The following MAPK4 variants were observed in gnomAD, a reference collection of about 807,000 sequenced individuals.
MAPK4 encodes Erk3-related.
Under a neutral mutation model 47.7 loss-of-function variants are expected in MAPK4, and 22 were observed. The ratio of observed to expected loss-of-function variants is 0.46; its 90% CI spans 0.33 to 0.66. MAPK4 has a LOEUF of 0.66. MAPK4 is among the 30% of genes least tolerant of loss of function. The probability of loss-of-function intolerance (pLI) is 0.02; values close to 1 mark genes in which losing one functional copy is unlikely to be tolerated. For missense variants in MAPK4, 736 were observed against 831.7 expected (o/e 0.88, Z 1.42); for synonymous variants, 390 against 365.7 (o/e 1.07, Z -0.76).
intron 2 of MAPK4, among the ~76,000 whole-genome samples, chr18:50,693,009 A>G (rs1171847468): frequency 6.6e-6 from 1 of 152,124 alleles, no homozygotes; most frequent in Non-Finnish European, 1.5e-5. Context: ...TAATCCCAGC[A>G]CTTTGGGAGG....
At chr18:50,621,746 T>A (rs1023313834) in intron 1 of MAPK4, among the ~76,000 whole-genome samples, 1 of 152,196 alleles carries the variant, frequency 6.6e-6, no homozygotes, top group African/African-American at 2.4e-5. Context: ...AAACCTCCAT[T>A]GTTGCTAGAG....
intron 2 of MAPK4, among the ~76,000 whole-genome samples, chr18:50,711,316 C>G (rs1039987849): frequency 6.6e-6 from 1 of 152,136 alleles, no homozygotes; most frequent in African/African-American, 2.4e-5. Flanking sequence ...CAATAGCTGA[C>G]GAAAGTCCCA....
chr18:50,693,210 G>A (rs928552174), intron 2 of MAPK4, among the ~76,000 whole-genome samples: 1 of 152,010 alleles, frequency 6.6e-6, no homozygotes, highest in Non-Finnish European at 1.5e-5. Flanking sequence ...AGTGAGCCAC[G>A]ATAGCACCAC....
chr18:50,719,862 G>A (rs1233117049), intron 3 of MAPK4, among the ~76,000 whole-genome samples: 2 of 152,192 alleles, frequency 1.3e-5, no homozygotes, highest in African/African-American at 4.8e-5. Flanking sequence ...TTCTCATGCA[G>A]AAGTGTCCAA....
chr18:50,575,398 A>C (rs181941752), intron 1 of MAPK4, among the ~76,000 whole-genome samples: 52 of 152,378 alleles, frequency 3.4e-4, no homozygotes, highest in African/African-American at 1.1e-3. Flanking sequence ...ACAACACCTC[A>C]GTTCCTAAAT....
Position 50,706,682 on chromosome 18 carries a change from T to A in MAPK4, c.547-8397T>A, listed in dbSNP as rs549658316. The stretch of plus-strand genomic sequence containing the variant: ...AGGGCTTCTCACTTAAAGATTGCTG[T>A]CCATTGTCATGCAGCACCCCAGGAT... On this transcript the variant is annotated intron_variant, in intron 2 of 5. Coordinates refer to ENST00000400384, the MANE Select transcript of MAPK4 (RefSeq NM_002747.4). Among the ~76,000 whole-genome samples the A allele has an allele frequency of 1.6e-4, 25 of 152,284 alleles. No individual in the cohort carries two copies. The South Asian group carries it at 5.2e-3, about 32-fold the overall frequency.
intron 1 of MAPK4, among the ~76,000 whole-genome samples, chr18:50,637,573 C>G (rs35473627): frequency 6.6e-6 from 1 of 152,190 alleles, no homozygotes; most frequent in Non-Finnish European, 1.5e-5. Context: ...CAGGCTACTT[C>G]TATGCACCTG....
At chr18:50,625,970 A>G (rs1038348577) in intron 1 of MAPK4, among the ~76,000 whole-genome samples, 1 of 152,058 alleles carries the variant, frequency 6.6e-6, no homozygotes, top group Non-Finnish European at 1.5e-5. Context: ...TCAAGTGATT[A>G]TGGAGACTGA....
intron 1 of MAPK4, among the ~76,000 whole-genome samples, chr18:50,610,195 A>G (rs1168414048): frequency 2.0e-5 from 3 of 152,340 alleles, no homozygotes; most frequent in South Asian, 4.1e-4. Context: ...ACATAGAGAT[A>G]TAACCACAGG....
chr18:50,562,204 G>A (rs182548248), intron 1 of MAPK4, among the ~76,000 whole-genome samples: 1 of 152,268 alleles, frequency 6.6e-6, no homozygotes, highest in Admixed American at 6.5e-5. Flanking sequence ...ATAGAAATTA[G>A]TGATTTGTAT....
intron 1 of MAPK4, among the ~76,000 whole-genome samples, chr18:50,635,547 A>T (rs1568055298): frequency 6.6e-6 from 1 of 152,220 alleles, no homozygotes; most frequent in Non-Finnish European, 1.5e-5. Flanking sequence ...TCCACACTGT[A>T]GTCAGAATCA....
chr18:50,698,757 C>T (rs2338884), intron 2 of MAPK4, among the ~76,000 whole-genome samples: 65,208 of 152,128 alleles, frequency 0.43, 14,988 homozygotes, highest in Non-Finnish European at 0.52. Flanking sequence ...TAGCCAAGCA[C>T]GGTGGCTCAC....
chr18:50,676,564 A>C (rs1221953375), intron 2 of MAPK4, among the ~76,000 whole-genome samples: 1 of 152,222 alleles, frequency 6.6e-6, no homozygotes, highest in Admixed American at 6.5e-5. Context: ...TAAAGTTAAA[A>C]AGTGACATTC....
At chr18:50,694,384 G>A (rs1482732609) in intron 2 of MAPK4, among the ~76,000 whole-genome samples, 1 of 152,126 alleles carries the variant, frequency 6.6e-6, no homozygotes, top group African/African-American at 2.4e-5. Context: ...AAGTCCCCTG[G>A]CTGGTGTCCT....
At chr18:50,604,569 G>A (rs543552600) in intron 1 of MAPK4, among the ~76,000 whole-genome samples, 9 of 152,308 alleles carry the variant, frequency 5.9e-5, no homozygotes, top group Admixed American at 2.0e-4. Context: ...AGAACAGAGC[G>A]TGTAGAATAA....
chr18:50,667,844 C>T (rs546658292), intron 2 of MAPK4, among the ~76,000 whole-genome samples: 84 of 152,296 alleles, frequency 5.5e-4, no homozygotes, highest in Admixed American at 5.1e-3. Flanking sequence ...CAGTGGACAC[C>T]AGCTGGGTGT....
intron 2 of MAPK4, among the ~76,000 whole-genome samples, chr18:50,684,256 G>A (rs768591238): frequency 3.3e-5 from 5 of 152,186 alleles, no homozygotes; most frequent in Admixed American, 6.5e-5. Context: ...CAATTAAGAA[G>A]AGCTTTGACC....
intron 1 of MAPK4, among the ~76,000 whole-genome samples, chr18:50,650,530 G>A (rs1451856672): frequency 6.6e-6 from 1 of 152,180 alleles, no homozygotes; most frequent in East Asian, 1.9e-4. Flanking sequence ...GGCATCTTTT[G>A]TGGCTGGCCT....
At chr18:50,596,393 T>C (rs748907997) in intron 1 of MAPK4, among the ~76,000 whole-genome samples, 17 of 152,156 alleles carry the variant, frequency 1.1e-4, no homozygotes, top group Non-Finnish European at 2.2e-4. Context: ...CTCTGGTTAA[T>C]CCTCTTACAA....
Sources: allele counts gnomAD v4.1 joint callset (sites outside exome capture counted in the v4.1 genomes callset), GRCh38; gene constraint gnomAD v4.1.1; transcripts MANE v1.5; gene names NCBI Gene and HGNC (gene_info 2026-07-23, HGNC 2026-07-21).